FAF1: variants seen among roughly 807,000 people sequenced by gnomAD.
FAF1 encodes the protein Fas associated factor 1.
In FAF1, 25 loss-of-function variants were observed where a neutral mutation model predicts 92.5. The ratio of observed to expected loss-of-function variants is 0.27; its 90% CI spans 0.20 to 0.38. The LOEUF is 0.38. FAF1 is among the 10% of genes least tolerant of loss of function. FAF1 has a pLI of 1.00. For missense variants in FAF1, 636 were observed against 793.3 expected (o/e 0.80, Z 2.38); for synonymous variants, 234 against 273.2 (o/e 0.86, Z 1.42).
intron 15 of FAF1, among the ~76,000 whole-genome samples, chr1:50,527,119 G>T (rs550603265): frequency 3.3e-5 from 5 of 152,130 alleles, no homozygotes; most frequent in Non-Finnish European, 7.4e-5. Context: ...GCCTACCAAA[G>T]TGCTGGGATT....
At chr1:50,958,247 G>A (rs1163310233) in intron 1 of FAF1, among the ~76,000 whole-genome samples, 1 of 152,126 alleles carries the variant, frequency 6.6e-6, no homozygotes, top group Non-Finnish European at 1.5e-5. Flanking sequence ...TTTATTATAA[G>A]GACACTCCTT....
intron 8 of FAF1, among the ~76,000 whole-genome samples, chr1:50,640,065 A>G (rs1303724086): frequency 1.3e-5 from 2 of 152,146 alleles, no homozygotes; most frequent in Non-Finnish European, 2.9e-5. Flanking sequence ...TGTGAAATTC[A>G]ATTTGGTAAA....
intron 2 of FAF1, among the ~76,000 whole-genome samples, chr1:50,819,754 T>TATATATATACGTATATATATAC (rs1644022562): frequency 2.1e-5 from 1 of 48,480 alleles, no homozygotes; most frequent in African/African-American, 8.0e-5. Flanking sequence ...TATATATACA[T>TATATATATACGTATATATATAC]ATATATATAC....
intron 2 of FAF1, among the ~76,000 whole-genome samples, chr1:50,809,272 G>T (rs1049599783): frequency 5.3e-5 from 8 of 151,920 alleles, no homozygotes; most frequent in Non-Finnish European, 1.2e-4. Context: ...AAGCTGAAAT[G>T]AAGGAAACTG....
intron 2 of FAF1, among the ~76,000 whole-genome samples, chr1:50,850,739 T>C (rs551624863): frequency 3.9e-5 from 6 of 152,186 alleles, no homozygotes; most frequent in African/African-American, 1.4e-4. Flanking sequence ...TACTTAAAGA[T>C]AGAGAAGTAT....
intron 1 of FAF1, among the ~76,000 whole-genome samples, chr1:50,893,442 T>C (rs1644734697): frequency 6.6e-6 from 1 of 152,214 alleles, no homozygotes; most frequent in South Asian, 2.1e-4. Context: ...TCTAGAGGTA[T>C]TGCCTTGATG....
chr1:50,787,774 T>C (rs1661415469), intron 4 of FAF1, among the ~76,000 whole-genome samples: 1 of 152,192 alleles, frequency 6.6e-6, no homozygotes, highest in Non-Finnish European at 1.5e-5. Flanking sequence ...AACAGCATTG[T>C]ATACCATTCT....
intron 1 of FAF1, among the ~76,000 whole-genome samples, chr1:50,920,459 G>A (rs1313550920): frequency 6.6e-6 from 1 of 152,108 alleles, no homozygotes; most frequent in Admixed American, 6.6e-5. Flanking sequence ...CTGATACGTG[G>A]CAGATGCACC....
intron 4 of FAF1, among the ~76,000 whole-genome samples, chr1:50,769,916 T>A (rs1420755266): frequency 1.3e-5 from 2 of 152,038 alleles, no homozygotes; most frequent in Admixed American, 1.3e-4. Flanking sequence ...CTGCGCGTGG[T>A]GGCCCATGCC....
intron 1 of FAF1, among the ~76,000 whole-genome samples, chr1:50,885,948 C>CA (rs1298963039): frequency 3.3e-5 from 5 of 150,850 alleles, no homozygotes; most frequent in South Asian, 2.1e-4. Context: ...TTTACATAAA[C>CA]AAAAAAAAGA....
chr1:50,837,252 G>A (rs563586346), intron 2 of FAF1, among the ~76,000 whole-genome samples: 21 of 152,092 alleles, frequency 1.4e-4, no homozygotes, highest in South Asian at 8.3e-4. Flanking sequence ...CACCGTGCCC[G>A]GCCATATGTT....
At position 50,831,524 on chromosome 1, in the gene FAF1, G is replaced by A. The variant is rs72902792; in HGVS notation, c.114+26405C>T. ...TATATCTGCCGTCTTTCTCTACACC[G>A]TCCCCTTGTACAGTGTTGGGTTTCT... On this transcript the variant is annotated intron_variant, in intron 2 of 18. Coordinates refer to ENST00000396153, the MANE Select transcript of FAF1 (RefSeq NM_007051.3). Among the ~76,000 whole-genome samples the A allele has an allele frequency of 2.6e-3, 390 of 152,202 alleles. 3 individuals are homozygous for A. The highest frequency in any genetic ancestry group is 8.7e-3 in the African/African-American group (363 of 41,528).
intron 18 of FAF1, among the ~76,000 whole-genome samples, chr1:50,452,507 A>G (rs1403782084): frequency 6.6e-6 from 1 of 152,206 alleles, no homozygotes; most frequent in Non-Finnish European, 1.5e-5. Flanking sequence ...GGTGACTTGA[A>G]AAAGGCTGGG....
intron 7 of FAF1, among the ~76,000 whole-genome samples, chr1:50,675,170 G>A (rs1282537417): frequency 5.9e-5 from 9 of 152,200 alleles, no homozygotes; most frequent in African/African-American, 1.9e-4. Flanking sequence ...GATTACAGGC[G>A]TGAGCCACAG....
intron 1 of FAF1, among the ~76,000 whole-genome samples, chr1:50,865,191 G>A (rs1009389120): frequency 6.6e-5 from 10 of 152,140 alleles, no homozygotes; most frequent in Non-Finnish European, 1.2e-4. Flanking sequence ...GGAAACGACA[G>A]GTGCTGGAGA....
chr1:50,852,113 CAAAGA>C (rs1644356138), intron 2 of FAF1, among the ~76,000 whole-genome samples: 1 of 151,804 alleles, frequency 6.6e-6, no homozygotes, highest in African/African-American at 2.4e-5. Flanking sequence ...AAAAAAAATG[CAAAGA>C]AAAGATTCAT....
At chr1:50,527,811 GTCTCTCTCTCTCTCTCTCTCTCTC>G (rs9326017) in intron 15 of FAF1, among the ~76,000 whole-genome samples, 1 of 75,316 alleles carries the variant, frequency 1.3e-5, no homozygotes, top group Non-Finnish European at 2.4e-5. Context: ...TTACTCTGCT[GTCTCTCTCTCTCTCTCTCTCTCTC>G]TCTCTCTCCC....
chr1:50,676,938 A>T (rs572488388), intron 7 of FAF1, among the ~76,000 whole-genome samples: 1 of 152,180 alleles, frequency 6.6e-6, no homozygotes, highest in African/African-American at 2.4e-5. Context: ...ATTCTATTCC[A>T]ACTGTGATAT....
At chr1:50,464,760 G>T (rs1050553744) in intron 18 of FAF1, among the ~76,000 whole-genome samples, 1 of 152,156 alleles carries the variant, frequency 6.6e-6, no homozygotes, top group Non-Finnish European at 1.5e-5. Flanking sequence ...ATTTATCTGT[G>T]AGGACACATG....
Sources: gnomAD v4.1 joint callset for allele counts (sites outside exome capture counted in the v4.1 genomes callset) on GRCh38, gnomAD v4.1.1 for gene constraint, MANE v1.5 for transcripts, NCBI Gene and HGNC (gene_info 2026-07-23, HGNC 2026-07-21) for gene names.